Variants in TMTC2 observed in about 807,000 individuals in gnomAD.
The protein encoded by TMTC2 is transmembrane O-mannosyltransferase targeting cadherins 2.
TMTC2 carries 43 observed loss-of-function variants against 82.4 expected under a neutral mutation model. That is an observed-to-expected ratio of 0.52 (90% CI 0.41 to 0.67). The LOEUF (loss-of-function observed/expected upper bound fraction) is 0.67. TMTC2 is among the 30% of genes least tolerant of loss of function. TMTC2 has a pLI of 0.00. For missense variants in TMTC2, 919 were observed against 1,012.4 expected, an observed-to-expected ratio of 0.91 and a Z score of 1.25; for synonymous variants, 408 against 381.9, an observed-to-expected ratio of 1.07 and a Z score of -0.80.
At chr12:82,826,918 T>C (rs537599789) in intron 1 of TMTC2, among the ~76,000 whole-genome samples, 1 of 152,344 alleles carries the variant, frequency 6.6e-6, no homozygotes, top group Admixed American at 6.5e-5. Context: ...GATCAACACA[T>C]TAAATCATAA....
chr12:83,095,389 C>T (rs375361576), intron 11 of TMTC2, among the ~76,000 whole-genome samples: 11 of 151,872 alleles, frequency 7.2e-5, no homozygotes, highest in East Asian at 5.8e-4. Context: ...TACAGGTGCC[C>T]GCCACCATGC....
At chr12:82,896,782 ATT>A in intron 3 of TMTC2, 136 bp downstream of exon 3, 1 of 642,212 alleles carries the variant, frequency 1.6e-6, no homozygotes, top group Non-Finnish European at 2.5e-6. Flanking sequence ...CATTCTTTTT[ATT>A]TTTTTAAAGA....
At chr12:83,118,473 G>A (rs1334757749) in intron 11 of TMTC2, among the ~76,000 whole-genome samples, 1 of 151,546 alleles carries the variant, frequency 6.6e-6, no homozygotes, top group Admixed American at 6.6e-5. Flanking sequence ...TGTGTCACAT[G>A]TATTGACTTG....
intron 1 of TMTC2, among the ~76,000 whole-genome samples, chr12:82,772,944 T>C (rs1877386355): frequency 6.6e-6 from 1 of 152,214 alleles, no homozygotes; most frequent in South Asian, 2.1e-4. Context: ...TATTAATTAC[T>C]TTAGAAAATT....
At chr12:82,891,228 C>G (rs900457820) in intron 2 of TMTC2, among the ~76,000 whole-genome samples, 6 of 152,114 alleles carry the variant, frequency 3.9e-5, no homozygotes, top group African/African-American at 1.4e-4. Flanking sequence ...GTTTTAAGGC[C>G]ATCTCCACAA....
intron 4 of TMTC2, among the ~76,000 whole-genome samples, chr12:82,963,733 G>A (rs1410645826): frequency 7.6e-6 from 1 of 130,740 alleles, no homozygotes; most frequent in Non-Finnish European, 1.6e-5. Context: ...CAGCAGACAA[G>A]AACACTTCAC....
chr12:82,967,257 G>T (rs1224794179), intron 7 of TMTC2, among the ~76,000 whole-genome samples: 1 of 151,966 alleles, frequency 6.6e-6, no homozygotes, highest in Non-Finnish European at 1.5e-5. Flanking sequence ...TCTGGGTATG[G>T]AATATTAGCT....
chr12:82,731,984 C>A (rs1342748915), intron 1 of TMTC2, among the ~76,000 whole-genome samples: 1 of 152,114 alleles, frequency 6.6e-6, no homozygotes, highest in Admixed American at 6.6e-5. Context: ...TGCTCATTTT[C>A]CTGTTAACGA....
chr12:83,054,308 TTA>T (rs1012819926), intron 10 of TMTC2, among the ~76,000 whole-genome samples: 2 of 152,074 alleles, frequency 1.3e-5, no homozygotes, highest in African/African-American at 2.4e-5. Flanking sequence ...AATAGGAACA[TTA>T]TAATGTCGGG....
intron 1 of TMTC2, among the ~76,000 whole-genome samples, chr12:82,855,632 A>G (rs1332834775): frequency 6.6e-6 from 1 of 152,220 alleles, no homozygotes; most frequent in Non-Finnish European, 1.5e-5. Flanking sequence ...AGGGATACAA[A>G]AAGACTCCAA....
chr12:82,803,929 T>C (rs1879127774), intron 1 of TMTC2, among the ~76,000 whole-genome samples: 1 of 152,094 alleles, frequency 6.6e-6, no homozygotes, highest in Non-Finnish European at 1.5e-5. Flanking sequence ...CTTGCCTCGG[T>C]GTCTTTTTCT....
intron 1 of TMTC2, among the ~76,000 whole-genome samples, chr12:82,814,471 C>G (rs1461706612): frequency 6.6e-6 from 1 of 152,134 alleles, no homozygotes; most frequent in Admixed American, 6.5e-5. Context: ...TGGCAGACAT[C>G]AAGTGCCATG....
intron 1 of TMTC2, among the ~76,000 whole-genome samples, chr12:82,779,175 A>G (rs1877765390): frequency 6.6e-6 from 1 of 152,060 alleles, no homozygotes; most frequent in Non-Finnish European, 1.5e-5. Flanking sequence ...ACATCACGGC[A>G]GGGTAGAAAG....
At chr12:82,868,551 T>C (rs1871987105) in intron 2 of TMTC2, among the ~76,000 whole-genome samples, 1 of 152,102 alleles carries the variant, frequency 6.6e-6, no homozygotes. Flanking sequence ...AGGGTGCTGT[T>C]AGTTATATAT....
At chr12:82,820,125 G>A (rs1258351426) in intron 1 of TMTC2, among the ~76,000 whole-genome samples, 1 of 152,146 alleles carries the variant, frequency 6.6e-6, no homozygotes, top group Non-Finnish European at 1.5e-5. Flanking sequence ...GAATAAGCCA[G>A]TCTAGTCTTT....
chr12:82,689,585 G>T (rs1420360439), intron 1 of TMTC2, among the ~76,000 whole-genome samples: 4 of 152,136 alleles, frequency 2.6e-5, no homozygotes, highest in Admixed American at 6.5e-5. Context: ...AAAAATTAAG[G>T]TTAAATTTGG....
At chr12:82,776,288 A>G (rs535125944) in intron 1 of TMTC2, among the ~76,000 whole-genome samples, 2 of 152,248 alleles carry the variant, frequency 1.3e-5, no homozygotes, top group East Asian at 3.9e-4. Flanking sequence ...GGCCTTCCTG[A>G]TGGTTCCTAG....
intron 11 of TMTC2, among the ~76,000 whole-genome samples, chr12:83,119,209 C>T (rs979585092): frequency 6.6e-6 from 1 of 151,982 alleles, no homozygotes; most frequent in African/African-American, 2.4e-5. Flanking sequence ...GTCCTTGTTT[C>T]TCTAGTTCCT....
chr12:83,030,848 T>A lies in TMTC2; in HGVS notation c.2121T>A (p.Asp707Glu). 2 of 1,613,720 alleles carry A rather than the reference T, an allele frequency of 1.2e-6. No homozygotes were observed. The highest frequency in any genetic ancestry group is 1.7e-6 in the Non-Finnish European group (2 of 1,179,726). Residue 707 changes from aspartate to glutamate, a missense_variant, in exon 9 of 12, where the codon GAT becomes GAA. By Grantham distance (45) the Asp-to-Glu change is conservative. Coordinates refer to ENST00000321196, the MANE Select transcript of TMTC2 (RefSeq NM_152588.3). ...TCTTCTTGAAGGCTATTGAGCTGGA[T>A]CCCACCAAAGGAAACTGTTACATGC... ...EKLFLKAIEL[D>E]PTKGNCYMHY...
Sources: allele counts gnomAD v4.1 joint callset (sites outside exome capture counted in the v4.1 genomes callset), GRCh38; gene constraint gnomAD v4.1.1; transcripts MANE v1.5; gene names NCBI Gene and HGNC (gene_info 2026-07-23, HGNC 2026-07-21).